The following PARP8 variants were observed in gnomAD, a reference collection of about 807,000 sequenced individuals.
PARP8 encodes the protein poly(ADP-ribose) polymerase family member 8, also known as protein mono-ADP-ribosyltransferase PARP8.
PARP8 carries 51 observed loss-of-function variants against 124.1 expected under a neutral mutation model. The observed-to-expected ratio is 0.41, with a 90% CI of 0.33 to 0.52. The LOEUF (loss-of-function observed/expected upper bound fraction) is 0.52. Among genes scored for constraint, PARP8 ranks in the 20% least tolerant of loss-of-function variants. PARP8 has a pLI of 0.21. For synonymous variants in PARP8, 391 were observed against 361.5 expected (o/e 1.08, Z -0.93); for missense variants, 860 against 1,018.9 (o/e 0.84, Z 2.12).
intron 9 of PARP8, among the ~76,000 whole-genome samples, chr5:50,784,156 T>C (rs535020307): frequency 6.6e-6 from 1 of 152,304 alleles, no homozygotes; most frequent in Non-Finnish European, 1.5e-5. Flanking sequence ...ACTGACCTAC[T>C]TAACAGTTCT....
intron 15 of PARP8, among the ~76,000 whole-genome samples, chr5:50,816,895 GA>G (rs540891201): frequency 2.0e-5 from 3 of 150,574 alleles, no homozygotes; most frequent in South Asian, 2.1e-4. Context: ...TTGCTAAAAG[GA>G]AAAAAAAGGT....
chr5:50,668,875 G>C (rs1040715324), intron 2 of PARP8: 1 of 152,228 alleles, frequency 6.6e-6, no homozygotes, highest in African/African-American at 2.4e-5. Context: ...AAGAGCAGTA[G>C]CCACATATGA....
At chr5:50,747,714 G>A (rs780138444) in intron 2 of PARP8, among the ~76,000 whole-genome samples, 3 of 138,558 alleles carry the variant, frequency 2.2e-5, no homozygotes, top group Non-Finnish European at 4.6e-5. Context: ...AAATCTATAT[G>A]TGTCTCTATA....
rs1748535263 is a variant in PARP8, at chr5:50,845,343, T to G, written c.*3275T>G. On this transcript the variant is annotated 3_prime_UTR_variant, in exon 26 of 26. Coordinates refer to ENST00000281631, the MANE Select transcript of PARP8 (RefSeq NM_024615.4). ...CTGGATAACTTCATCAGATGGTAAT[T>G]TAATATGTCATGAAGGGGACACTCA... is the stretch of plus-strand genomic sequence containing the variant. 6.6e-6 allele frequency: 1 copy of G among 151,688 alleles called. No homozygotes were observed. Among genetic ancestry groups the G allele is most frequent in the African/African-American group, 2.4e-5 (1 of 41,348 alleles). The allele number at this position is 151,688 out of a possible 1,614,324, so 9.4% of individuals were successfully genotyped here.
chr5:50,726,597 C>A (rs1756454499), intron 2 of PARP8, among the ~76,000 whole-genome samples: 1 of 152,150 alleles, frequency 6.6e-6, no homozygotes, highest in South Asian at 2.1e-4. Flanking sequence ...TTGAGCACAG[C>A]GATGATTGAG....
rs1747156430 is a variant in PARP8 at position 50,833,004 on chromosome 5, A to G, written c.2307+150A>G. 21 of 651,196 alleles carry G rather than the reference A, an allele frequency of 3.2e-5. No individual in the cohort carries two copies. The South Asian group carries it at 4.1e-4, about 13-fold the overall frequency. 40.3% of individuals were successfully genotyped at this position (651,196 alleles called of 1,614,324 possible). A position where few individuals can be genotyped will look rare whatever the true frequency, so the allele number is the denominator to read the frequency against. The stretch of plus-strand genomic sequence containing the variant: ...AATAAAACTCACTCTGAAATGCAGT[A>G]ACTGAATTGCCTCTATACAATAATT... On this transcript the variant is annotated intron_variant, in intron 23 of 25. Coordinates refer to ENST00000281631, the MANE Select transcript of PARP8 (RefSeq NM_024615.4).
intron 2 of PARP8, among the ~76,000 whole-genome samples, chr5:50,672,768 C>T (rs573120312): frequency 6.6e-6 from 1 of 152,072 alleles, no homozygotes; most frequent in Non-Finnish European, 1.5e-5. Flanking sequence ...CATGGGATGC[C>T]ATCAGGAGAG....
intron 2 of PARP8, among the ~76,000 whole-genome samples, chr5:50,678,599 T>C (rs1750910294): frequency 6.6e-6 from 1 of 152,208 alleles, no homozygotes; most frequent in South Asian, 2.1e-4. Context: ...GATCTATGTT[T>C]GCGATAAATC....
chr5:50,762,943 T>G (rs1760705332), intron 6 of PARP8, among the ~76,000 whole-genome samples: 1 of 152,240 alleles, frequency 6.6e-6, no homozygotes, highest in Non-Finnish European at 1.5e-5. Flanking sequence ...GCTTTTTCTT[T>G]GTATTAATAT....
chr5:50,818,855 C>T (rs1320065070), intron 15 of PARP8, among the ~76,000 whole-genome samples: 1 of 152,196 alleles, frequency 6.6e-6, no homozygotes, highest in African/African-American at 2.4e-5. Context: ...AGCATTTTGT[C>T]ATTCACACAC....
intron 2 of PARP8, among the ~76,000 whole-genome samples, chr5:50,674,138 G>A (rs1750351180): frequency 1.3e-5 from 2 of 152,118 alleles, no homozygotes; most frequent in African/African-American, 4.8e-5. Flanking sequence ...CATAAGTTGG[G>A]CTTTCTGTTC....
At chr5:50,835,951 A>G (rs1311720622) in intron 25 of PARP8, among the ~76,000 whole-genome samples, 1 of 152,180 alleles carries the variant, frequency 6.6e-6, no homozygotes, top group Non-Finnish European at 1.5e-5. Flanking sequence ...TTCAGGGAAG[A>G]GTTGAGCATA....
intron 2 of PARP8, among the ~76,000 whole-genome samples, chr5:50,733,464 C>A (rs1757181890): frequency 1.3e-5 from 2 of 152,012 alleles, no homozygotes; most frequent in South Asian, 4.1e-4. Flanking sequence ...TTTTAGAATT[C>A]TTGATGAAGT....
At chr5:50,751,758 A>C (rs1284661253) in intron 3 of PARP8, among the ~76,000 whole-genome samples, 1 of 152,138 alleles carries the variant, frequency 6.6e-6, no homozygotes, top group Non-Finnish European at 1.5e-5. Flanking sequence ...TGATAAAATC[A>C]AGTCTGTAAT....
chr5:50,701,918 T>A (rs575570098), intron 2 of PARP8, among the ~76,000 whole-genome samples: 2 of 152,276 alleles, frequency 1.3e-5, no homozygotes, highest in African/African-American at 4.8e-5. Context: ...TTTGACCTAG[T>A]TCTTATAGTT....
chr5:50,813,468 C>T (rs1291435081), intron 14 of PARP8, among the ~76,000 whole-genome samples: 2 of 152,160 alleles, frequency 1.3e-5, no homozygotes, highest in African/African-American at 4.8e-5. Flanking sequence ...GCTGAAGTTG[C>T]TTATCAGCTT....
chr5:50,704,755 A>G (rs1580019850), intron 2 of PARP8, among the ~76,000 whole-genome samples: 1 of 151,994 alleles, frequency 6.6e-6, no homozygotes, highest in Non-Finnish European at 1.5e-5. Flanking sequence ...GATTTCATCT[A>G]CTCTTTACCT....
At chr5:50,736,775 T>C (rs888194973) in intron 2 of PARP8, among the ~76,000 whole-genome samples, 2 of 152,192 alleles carry the variant, frequency 1.3e-5, no homozygotes, top group Admixed American at 1.3e-4. Flanking sequence ...GTTTTTCCTT[T>C]AGAATTTCTC....
At chr5:50,673,481 A>G (rs1430055209) in intron 2 of PARP8, among the ~76,000 whole-genome samples, 1 of 152,224 alleles carries the variant, frequency 6.6e-6, no homozygotes, top group Non-Finnish European at 1.5e-5. Context: ...GTTTCCAAAA[A>G]ACACAAATAA....
Sources: gnomAD v4.1 joint callset for allele counts (sites outside exome capture counted in the v4.1 genomes callset) on GRCh38, gnomAD v4.1.1 for gene constraint, MANE v1.5 for transcripts, NCBI Gene and HGNC (gene_info 2026-07-23, HGNC 2026-07-21) for gene names.